SBSN: variants seen among roughly 807,000 people sequenced by gnomAD.
SBSN encodes the protein suprabasin.
Under a neutral mutation model 42.8 loss-of-function variants are expected in SBSN, and 33 were observed. That is an observed-to-expected ratio of 0.77 (90% CI 0.58 to 1.03). SBSN has a LOEUF of 1.03. Among genes scored for constraint, SBSN ranks in the 50% least tolerant of loss-of-function variants. The pLI is 0.00. For missense variants in SBSN, 646 were observed against 757.3 expected, an observed-to-expected ratio of 0.85 and a Z score of 1.72; for synonymous variants, 276 against 307.0, an observed-to-expected ratio of 0.90 and a Z score of 1.06.
chr19:35,526,756 A>T lies in SBSN; in HGVS notation c.1526T>A (p.Val509Glu), dbSNP rs866110448. The T allele has an allele frequency of 1.3e-6, 2 of 1,581,664 alleles. No homozygotes were observed. The highest frequency in any genetic ancestry group is 1.8e-5 in the Admixed American group (1 of 55,600). Reference protein sequence around the residue: ...NHAADQAGKEVEKLGQGAHHA... With the variant: ...NHAADQAGKEEEKLGQGAHHA... ...GTGGGCACCTTGGCCAAGCTTCTCCACTTCCTTTCCAGCCTGGTCAGCAGC... is the reference window on the plus strand; with the variant it reads ...GTGGGCACCTTGGCCAAGCTTCTCCTCTTCCTTTCCAGCCTGGTCAGCAGC... The change falls in exon 1 of 4, where the codon GTG becomes GAG. Residue 509 changes from valine (V) to glutamate (E), a missense_variant. Physicochemically the swap from Val to Glu is moderately radical, Grantham distance 121 (BLOSUM62 -2). Transcript: ENST00000452271.
At chr19:35,525,691 T>C (rs944740436) in intron 1 of SBSN, among the ~76,000 whole-genome samples, 8 of 152,070 alleles carry the variant, frequency 5.3e-5, no homozygotes, top group Non-Finnish European at 1.2e-4. Flanking sequence ...ATTTTATTAT[T>C]ATTTTTTTTG....
intron 3 of SBSN, among the ~76,000 whole-genome samples, chr19:35,523,859 A>G (rs531710559): frequency 1.3e-5 from 2 of 152,168 alleles, no homozygotes; most frequent in East Asian, 3.8e-4. Context: ...GGCCTGCACC[A>G]GGTCTCGGGC....
chr19:35,527,706 GA>G lies in SBSN; in HGVS notation c.575del (p.Val192AlafsTer248). On this transcript the variant is annotated frameshift_variant, in exon 1 of 4. Coordinates refer to ENST00000452271, the MANE Select transcript of SBSN (RefSeq NM_001166034.2). LOFTEE classifies it high-confidence loss of function. The part of the protein sequence containing the change: ...GNEAGRFGQG[V>X]HHAAGQAGNE... The stretch of plus-strand genomic sequence containing the variant: ...TTCCGGCCTGCCCTGCAGCATGGTG[GA>G]CTCCCTGGCCAAACCTCCCAGCCTC... 5 of 1,520,358 alleles carry G rather than the reference GA, an allele frequency of 3.3e-6. No homozygotes were observed. The highest frequency in any genetic ancestry group is 1.4e-5 in the African/African-American group (1 of 72,892). 94.2% of individuals were successfully genotyped at this position (1,520,358 alleles called of 1,614,324 possible). A position where few individuals can be genotyped will look rare whatever the true frequency, so the allele number is the denominator to read the frequency against.
At chr19:35,526,575 G>A (rs2071372863) in intron 1 of SBSN, 69 bp downstream of exon 1, 2 of 824,274 alleles carry the variant, frequency 2.4e-6, no homozygotes, top group African/African-American at 3.5e-5. Context: ...CCCGCCAAAT[G>A]TCCCAGGGGT....
chr19:35,527,988 G>C lies in SBSN; in HGVS notation c.294C>G (p.Ala98=), dbSNP rs1421506851. ...QGLNHGMDKV[A]HEINHGIGQA... is the part of the protein sequence containing the mutation. ...GTCCAATACCATGGTTGATCTCATG[G>C]GCAACCTTGTCCATGCCGTGGTTGA... Residue 98 remains alanine, a synonymous_variant, in exon 1 of 4, where the codon GCC becomes GCG. Coordinates refer to ENST00000452271, the MANE Select transcript of SBSN (RefSeq NM_001166034.2). 1.9e-6 allele frequency: 3 copies of C among 1,613,718 alleles called. No homozygotes were observed. The African/African-American group carries it at 4.0e-5, about 22-fold the overall frequency.
chr19:35,524,961 A>C, intron 1 of SBSN, 37 bp from the exon 2 acceptor site: 1 of 1,609,124 alleles, frequency 6.2e-7, no homozygotes. Context: ...ACAACCCCAC[A>C]AACGCGGAGG....
Position 35,527,763 on chromosome 19 carries a change from T to A in SBSN, c.519A>T (p.Gly173=). 6.4e-7 allele frequency: 1 copy of A among 1,557,798 alleles called. No individual in the cohort carries two copies. The highest frequency in any genetic ancestry group is 8.7e-7 in the Non-Finnish European group (1 of 1,154,868). The change falls in exon 1 of 4, where the codon GGA becomes GGT. Residue 173 remains glycine, a synonymous_variant. Coordinates refer to ENST00000452271, the MANE Select transcript of SBSN (RefSeq NM_001166034.2). ...AGNEAGRFGQ[G]VHHAAGQAGN... is the part of the protein sequence containing the mutation. ...CGGCCTGCCCTGCAGCATGGTGGAC[T>A]CCCTGGCCAAACCTCCCAGCCTCAT...
chr19:35,528,089 C>T lies in SBSN; in HGVS notation c.193G>A (p.Val65Met), dbSNP rs758339232. 2.5e-6 allele frequency: 4 copies of T among 1,613,992 alleles called. No individual in the cohort carries two copies. Among genetic ancestry groups the T allele is most frequent in the East Asian group, 4.5e-5 (2 of 44,868 alleles). Residue 65 changes from valine to methionine, a missense_variant, in exon 1 of 4, where the codon GTG becomes ATG. Coordinates refer to ENST00000452271, the MANE Select transcript of SBSN (RefSeq NM_001166034.2). The stretch of plus-strand genomic sequence containing the variant: ...CTAAGTCCGTTGAAAACCTTCTCCA[C>T]TTCCCTTCCGGCATGCGTGATTCCA... ...NSGITHAGRE[V>M]EKVFNGLSNM...
rs368442982 is a variant in SBSN, at chr19:35,527,673, A to T, written c.609T>A (p.Ala203=). The T allele has an allele frequency of 1.7e-5, 25 of 1,441,406 alleles. No individual in the cohort carries two copies. Among genetic ancestry groups the T allele is most frequent in the African/African-American group, 7.4e-5 (4 of 53,758 alleles). The allele number at this position is 1,441,406 out of a possible 1,614,324, so 89.3% of individuals were successfully genotyped here. Residue 203 remains alanine, a synonymous_variant, in exon 1 of 4, where the codon GCT becomes GCA. Coordinates refer to ENST00000452271, the MANE Select transcript of SBSN (RefSeq NM_001166034.2). ...GGTGGGCCCCCTGGCCAAATCTCCC[A>T]GCCTCATTTCCGGCCTGCCCTGCAG... ...HHAAGQAGNE[A]GRFGQGAHHG... is the part of the protein sequence containing the mutation.
chr19:35,528,255 G>A lies in SBSN; in HGVS notation c.27C>T (p.Ser9=), dbSNP rs1480805084. 2 of 1,612,630 alleles carry A rather than the reference G, an allele frequency of 1.2e-6. No individual in the cohort carries two copies. The highest frequency in any genetic ancestry group is 1.7e-6 in the Non-Finnish European group (2 of 1,179,726). Reference sequence around the variant, plus strand: ...CCCCCAGTAGCAGAAGGAGGGAGCAGGAGCCGACCAGACGTGCAAGATGCA... The same window carrying A: ...CCCCCAGTAGCAGAAGGAGGGAGCAAGAGCCGACCAGACGTGCAAGATGCA... The part of the protein sequence containing the change: MHLARLVG[S]CSLLLLLGAL... Residue 9 remains serine, a synonymous_variant, in exon 1 of 4, where the codon TCC becomes TCT. Transcript: ENST00000452271.
At chr19:35,523,824 C>T (rs994106519) in intron 3 of SBSN, among the ~76,000 whole-genome samples, 49 of 152,332 alleles carry the variant, frequency 3.2e-4, no homozygotes, top group African/African-American at 1.1e-3. Context: ...GTGGGCCTTC[C>T]TCCTCCGTGA....
rs1165103453 is a variant in SBSN, at chr19:35,523,413, G to A, written c.*97C>T. On this transcript the variant is annotated 3_prime_UTR_variant, in exon 4 of 4. Coordinates refer to ENST00000452271, the MANE Select transcript of SBSN (RefSeq NM_001166034.2). ...AAATCCCAGTACAACCCCCTTCAGG[G>A]ATTTCAGAAACCTGTCCCCCACCCC... 7 of 1,208,780 alleles carry A rather than the reference G, an allele frequency of 5.8e-6. No individual in the cohort carries two copies. Among genetic ancestry groups the A allele is most frequent in the Admixed American group, 5.1e-5 (3 of 58,840 alleles). 74.9% of individuals were successfully genotyped at this position (1,208,780 alleles called of 1,614,324 possible).
rs1421132790 is a variant in SBSN, at chr19:35,527,130, C to T, written c.1152G>A (p.Glu384=). 5 of 1,536,868 alleles carry T rather than the reference C, an allele frequency of 3.3e-6. No homozygotes were observed. The highest frequency in any genetic ancestry group is 4.4e-6 in the Non-Finnish European group (5 of 1,146,792). The change falls in exon 1 of 4, where the codon GAG becomes GAA. Residue 384 remains glutamate, a synonymous_variant. Coordinates refer to ENST00000452271, the MANE Select transcript of SBSN (RefSeq NM_001166034.2). ...HGVNEAWKEA[E]KFGQGVHHAA... Reference sequence around the variant, plus strand: ...CATGGTGGACACCCTGGCCAAACTTCTCTGCTTCCTTCCAGGCCTCATTAA... The same window carrying T: ...CATGGTGGACACCCTGGCCAAACTTTTCTGCTTCCTTCCAGGCCTCATTAA...
At position 35,524,694 on chromosome 19, in the gene SBSN, C is replaced by T. The variant is rs770477695; in HGVS notation, c.1749+17G>A. On this transcript the variant is annotated intron_variant, in intron 3 of 3. Transcript: ENST00000452271. ...ATCAGGACGCAGAGCAGAAAAGAGACACCATGGGGCACTCACCCTCCACAG... is the reference window on the plus strand; with the variant it reads ...ATCAGGACGCAGAGCAGAAAAGAGATACCATGGGGCACTCACCCTCCACAG... The T allele has an allele frequency of 3.1e-6, 5 of 1,613,750 alleles. No individual in the cohort carries two copies. Among genetic ancestry groups the T allele is most frequent in the Non-Finnish European group, 4.2e-6 (5 of 1,179,754 alleles).
chr19:35,525,450 C>T (rs1446849030), intron 1 of SBSN, among the ~76,000 whole-genome samples: 4 of 152,066 alleles, frequency 2.6e-5, no homozygotes, highest in African/African-American at 9.6e-5. Context: ...TCTGCTGCGC[C>T]GTTCCTCCCC....
At chr19:35,523,914 C>T (rs531145268) in intron 3 of SBSN, among the ~76,000 whole-genome samples, 6 of 152,334 alleles carry the variant, frequency 3.9e-5, no homozygotes, top group South Asian at 4.1e-4. Context: ...CAGTGGCTTA[C>T]GCCTGTAATC....
In SBSN at chr19:35,527,023, C is replaced by G. The variant is rs1287805916; in HGVS notation, c.1259G>C (p.Gly420Ala). ...HGVSQAGREA[G>A]QFGHDIHHTA... is the part of the protein sequence containing the mutation. The stretch of plus-strand genomic sequence containing the variant: ...GTGGTGAATGTCGTGGCCAAACTGC[C>G]CCGCCTCCCTTCCAGCCTGACTAAC... Residue 420 changes from glycine to alanine, a missense_variant, in exon 1 of 4, where the codon GGG becomes GCG. By Grantham distance (60) the Gly-to-Ala change is moderately conservative. Coordinates refer to ENST00000452271, the MANE Select transcript of SBSN (RefSeq NM_001166034.2). 13 of 1,543,232 alleles carry G rather than the reference C, an allele frequency of 8.4e-6. No individual in the cohort carries two copies. The highest frequency in any genetic ancestry group is 1.0e-5 in the Non-Finnish European group (12 of 1,146,896).
intron 1 of SBSN, 39 bp downstream of exon 1, chr19:35,526,605 A>ACCCCCCCTTCCCCCCCC: frequency 2.3e-6 from 1 of 427,098 alleles, no homozygotes. Context: ...CCCTCCCCCA[A>ACCCCCCCTTCCCCCCCC]CCCCCCTGTC....
intron 1 of SBSN, 49 bp downstream of exon 1, chr19:35,526,595 C>A: frequency 5.1e-6 from 3 of 582,916 alleles, no homozygotes; most frequent in Non-Finnish European, 8.5e-6. Flanking sequence ...TTTAACCTTT[C>A]CCTCCCCCAA....
Sources: gnomAD v4.1 joint callset for allele counts (sites outside exome capture counted in the v4.1 genomes callset) on GRCh38, gnomAD v4.1.1 for gene constraint, MANE v1.5 for transcripts, NCBI Gene and HGNC (gene_info 2026-07-23, HGNC 2026-07-21) for gene names.